The following STAB2 variants were observed in gnomAD, a reference collection of about 807,000 sequenced individuals.
STAB2 encodes stabilin 2.
In STAB2, 288 loss-of-function variants were observed where a neutral mutation model predicts 338.1. That is an observed-to-expected ratio of 0.85 (90% CI 0.77 to 0.94). The LOEUF (loss-of-function observed/expected upper bound fraction) is 0.94, where lower values mean the gene tolerates loss of function less well. Ranked by LOEUF, STAB2 falls within the 40% of genes least tolerant of loss-of-function variation. STAB2 has a pLI of 0.00. For synonymous variants in STAB2, 1,202 were observed against 1,193.3 expected (o/e 1.01, Z -0.15); for missense variants, 3,141 against 3,210.1 (o/e 0.98, Z 0.52).
rs1477607438 is a variant in STAB2, at chr12:103,766,517, C to A, written c.*181C>A. ...TGAGAGATGTGTTGCTGTGCCCACCCAGTACAGCTTCCTCCTCTGACCCTT... is the reference window on the plus strand; with the variant it reads ...TGAGAGATGTGTTGCTGTGCCCACCAAGTACAGCTTCCTCCTCTGACCCTT... On this transcript the variant is annotated 3_prime_UTR_variant, in exon 69 of 69. Coordinates refer to ENST00000388887, the MANE Select transcript of STAB2 (RefSeq NM_017564.10). 1.0e-4 allele frequency: 67 copies of A among 646,046 alleles called. No individual in the cohort carries two copies. Among genetic ancestry groups the A allele is most frequent in the Non-Finnish European group, 4.4e-5 (17 of 382,600 alleles). The allele number at this position is 646,046 out of a possible 1,614,324, so 40.0% of individuals were successfully genotyped here. A position where few individuals can be genotyped will look rare whatever the true frequency, so the allele number is the denominator to read the frequency against.
At chr12:103,606,766 C>T (rs558948098) in intron 3 of STAB2, among the ~76,000 whole-genome samples, 159 of 152,184 alleles carry the variant, frequency 1.0e-3, no homozygotes, top group African/African-American at 3.6e-3. Flanking sequence ...AGGTGGATCA[C>T]GAGGTCAGGA....
At chr12:103,698,677 A>G (rs1316068135) in intron 33 of STAB2, among the ~76,000 whole-genome samples, 1 of 152,018 alleles carries the variant, frequency 6.6e-6, no homozygotes, top group Non-Finnish European at 1.5e-5. Context: ...CCCATCCAAC[A>G]TGCCACCCTA....
chr12:103,636,118 A>G (rs1230578407), intron 6 of STAB2, among the ~76,000 whole-genome samples: 5 of 151,842 alleles, frequency 3.3e-5, no homozygotes, highest in Non-Finnish European at 7.4e-5. Context: ...ACATCTGTAT[A>G]CATGTGCCAT....
Position 103,755,092 on chromosome 12 carries a change from CAAGA to C in STAB2, c.6715-205_6715-202del, listed in dbSNP as rs575300653. 4.2e-4 allele frequency: 251 copies of C among 594,638 alleles called. 1 individual carries two copies. The highest frequency in any genetic ancestry group is 6.4e-4 in the Non-Finnish European group (219 of 342,000). 36.8% of individuals were successfully genotyped at this position (594,638 alleles called of 1,614,324 possible). ...TGAGTATGAAAGACCTGGGCACCTACAAGAAAGAGAGGACACTTTTGTTCACCCA... is the reference window on the plus strand; with the variant it reads ...TGAGTATGAAAGACCTGGGCACCTACAAGAGAGGACACTTTTGTTCACCCA... On this transcript the variant is annotated intron_variant, in intron 61 of 68. Transcript: ENST00000388887.
chr12:103,746,485 G>T, intron 57 of STAB2, 112 bp from the exon 58 acceptor site: 1 of 914,380 alleles, frequency 1.1e-6, no homozygotes, highest in Non-Finnish European at 1.8e-6. Flanking sequence ...TGCTGTACAG[G>T]GGCACTTATG....
chr12:103,699,674 T>G (rs946396413), intron 34 of STAB2, among the ~76,000 whole-genome samples: 3 of 152,198 alleles, frequency 2.0e-5, no homozygotes, highest in African/African-American at 7.2e-5. Flanking sequence ...CCATGTCAAC[T>G]TCCATATTGG....
rs1200302993 is a variant in STAB2, at chr12:103,755,430, G to A, written c.6843G>A (p.Lys2281=). The change falls in exon 62 of 69, where the codon AAG becomes AAA. Residue 2281 remains lysine (K), a synonymous_variant. Transcript: ENST00000388887. The part of the protein sequence containing the change: ...GIVDYGPRPN[K]SEMWDVFCYR... ...TGGACTATGGACCTAGACCCAACAA[G>A]AGTGAAATGTGGGATGTCTTCTGCT... 3 of 1,614,146 alleles carry A rather than the reference G, an allele frequency of 1.9e-6. No homozygotes were observed. Among genetic ancestry groups the A allele is most frequent in the East Asian group, 4.5e-5 (2 of 44,870 alleles).
intron 52 of STAB2, 133 bp downstream of exon 52, chr12:103,735,713 T>C (rs1415344937): frequency 1.3e-5 from 9 of 715,222 alleles, no homozygotes; most frequent in Non-Finnish European, 1.8e-5. Context: ...TTTTTCTCAC[T>C]ACCTTCAGAG....
intron 67 of STAB2, among the ~76,000 whole-genome samples, chr12:103,762,924 G>A (rs746138968): frequency 2.6e-5 from 4 of 152,182 alleles, no homozygotes; most frequent in African/African-American, 7.2e-5. Flanking sequence ...TATGGCCGGG[G>A]CAGCAGCACA....
chr12:103,678,528 G>T (rs897996143), intron 25 of STAB2, among the ~76,000 whole-genome samples: 1 of 151,976 alleles, frequency 6.6e-6, no homozygotes, highest in Admixed American at 6.6e-5. Flanking sequence ...ATGGAGATCT[G>T]CCCTATTTTA....
intron 3 of STAB2, among the ~76,000 whole-genome samples, chr12:103,609,049 G>T (rs1207812526): frequency 6.6e-6 from 1 of 152,042 alleles, no homozygotes; most frequent in Admixed American, 6.6e-5. Flanking sequence ...GGTCTATATC[G>T]CTGTTTTGGT....
chr12:103,717,977 T>C (rs1566043864), intron 44 of STAB2, 136 bp downstream of exon 44: 1 of 816,898 alleles, frequency 1.2e-6, no homozygotes. Flanking sequence ...TGAGGCTTGT[T>C]TCTCTGGCAC....
chr12:103,738,968 TTTG>T (rs80194811), intron 53 of STAB2, among the ~76,000 whole-genome samples: 3 of 151,712 alleles, frequency 2.0e-5, no homozygotes, highest in Admixed American at 6.6e-5. Context: ...GTTGATATTC[TTTG>T]TTGTTGTTGT....
At chr12:103,597,505 G>T (rs1610202) in intron 3 of STAB2, among the ~76,000 whole-genome samples, 7 of 151,876 alleles carry the variant, frequency 4.6e-5, no homozygotes, top group Non-Finnish European at 7.4e-5. Flanking sequence ...GTAAAGAAGC[G>T]CAATGAAAAA....
At chr12:103,634,569 T>C (rs922470843) in intron 6 of STAB2, among the ~76,000 whole-genome samples, 1 of 152,256 alleles carries the variant, frequency 6.6e-6, no homozygotes, top group African/African-American at 2.4e-5. Context: ...CATGTCACTT[T>C]TTCAAATGGC....
At chr12:103,651,206 A>G (rs1315964054) in intron 11 of STAB2, among the ~76,000 whole-genome samples, 2 of 151,980 alleles carry the variant, frequency 1.3e-5, no homozygotes, top group Non-Finnish European at 2.9e-5. Context: ...ACAACTTATT[A>G]TCTTCACTGG....
At chr12:103,681,481 C>T (rs182349272) in intron 25 of STAB2, among the ~76,000 whole-genome samples, 1 of 152,178 alleles carries the variant, frequency 6.6e-6, no homozygotes, top group East Asian at 1.9e-4. Flanking sequence ...TTCCATGCCT[C>T]TCTCCTAATT....
intron 30 of STAB2, 151 bp downstream of exon 30, chr12:103,690,689 T>C: frequency 1.6e-6 from 1 of 638,304 alleles, no homozygotes; most frequent in Non-Finnish European, 2.7e-6. Context: ...GCTGCAATAA[T>C]TATCATCATA....
chr12:103,757,895 CGA>C (rs1028380881), intron 63 of STAB2: 38 of 450,004 alleles, frequency 8.4e-5, no homozygotes, highest in African/African-American at 5.7e-4. Flanking sequence ...TGAGAAGACT[CGA>C]GATTTGATGC....
Sources: gnomAD v4.1 joint callset for allele counts (sites outside exome capture counted in the v4.1 genomes callset) on GRCh38, gnomAD v4.1.1 for gene constraint, MANE v1.5 for transcripts, NCBI Gene and HGNC (gene_info 2026-07-23, HGNC 2026-07-21) for gene names.